Variants in DPP6 observed in about 807,000 individuals in gnomAD.
DPP6 encodes the protein dipeptidyl peptidase like 6.
DPP6 carries 69 observed loss-of-function variants against 122.6 expected under a neutral mutation model. That is an observed-to-expected ratio of 0.56 (90% confidence interval 0.46 to 0.69). The LOEUF (loss-of-function observed/expected upper bound fraction) is 0.69, where lower values mean the gene tolerates loss of function less well. Among genes scored for constraint, DPP6 ranks in the 30% least tolerant of loss-of-function variants. DPP6 has a pLI of 0.00. For synonymous variants in DPP6, 418 were observed against 433.1 expected (o/e 0.97, Z 0.43); for missense variants, 928 against 1,116.9 (o/e 0.83, Z 2.41).
At chr7:154,329,957 T>G (rs1808772056) in intron 1 of DPP6, among the ~76,000 whole-genome samples, 1 of 152,002 alleles carries the variant, frequency 6.6e-6, no homozygotes, top group African/African-American at 2.4e-5. Flanking sequence ...ATGTTCTCAC[T>G]CACAAGCGGG....
intron 1 of DPP6, among the ~76,000 whole-genome samples, chr7:154,033,458 C>T (rs1020866965): frequency 2.0e-5 from 3 of 152,242 alleles, no homozygotes; most frequent in Non-Finnish European, 4.4e-5. Flanking sequence ...TTCCAAGTCC[C>T]CGTCCAGCAT....
chr7:154,574,618 ATGTGTGTGG>A, intron 5 of DPP6, among the ~76,000 whole-genome samples: 1 of 105,774 alleles, frequency 9.5e-6, no homozygotes, highest in Non-Finnish European at 1.9e-5. Context: ...TTTGGGGTGT[ATGTGTGTGG>A]TGTGTGTGTG....
At chr7:154,191,785 T>G (rs1272542634) in intron 1 of DPP6, among the ~76,000 whole-genome samples, 1 of 152,232 alleles carries the variant, frequency 6.6e-6, no homozygotes, top group Non-Finnish European at 1.5e-5. Flanking sequence ...AGGAAAAGAT[T>G]CTTTCCCATG....
chr7:154,498,224 G>C (rs1481633270), intron 3 of DPP6, among the ~76,000 whole-genome samples: 1 of 152,172 alleles, frequency 6.6e-6, no homozygotes, highest in Non-Finnish European at 1.5e-5. Context: ...AGGAGAGTGA[G>C]GTACTTGGAC....
intron 1 of DPP6, among the ~76,000 whole-genome samples, chr7:154,317,418 T>G (rs1807530023): frequency 6.6e-6 from 1 of 152,176 alleles, no homozygotes; most frequent in Admixed American, 6.5e-5. Flanking sequence ...GTCTGCAGTT[T>G]TTGACTTTAT....
chr7:153,818,708 A>G, the DPP6 span, among the ~76,000 whole-genome samples: 6 of 151,608 alleles, frequency 4.0e-5, no homozygotes, highest in East Asian at 1.9e-4. Flanking sequence ...AGCTCTGGGC[A>G]GGGAGGGAAG....
the DPP6 span, among the ~76,000 whole-genome samples, chr7:153,752,946 TC>T: frequency 6.6e-6 from 1 of 151,788 alleles, no homozygotes; most frequent in South Asian, 2.1e-4. Flanking sequence ...GTTAAGAAAA[TC>T]CCCATGTAAC....
chr7:154,158,913 G>A (rs1484065), intron 1 of DPP6, among the ~76,000 whole-genome samples: 9,784 of 150,312 alleles, frequency 0.065, 357 homozygotes, highest in Non-Finnish European at 0.076. Context: ...AGGGTGTCTC[G>A]CTCTTCCATG....
At chr7:154,236,966 C>G (rs1801256562) in intron 1 of DPP6, among the ~76,000 whole-genome samples, 1 of 152,186 alleles carries the variant, frequency 6.6e-6, no homozygotes, top group Non-Finnish European at 1.5e-5. Flanking sequence ...ATTTCCAACC[C>G]CTTTACTCAC....
chr7:154,692,445 C>T (rs1839982624), intron 7 of DPP6, among the ~76,000 whole-genome samples: 1 of 152,220 alleles, frequency 6.6e-6, no homozygotes, highest in South Asian at 2.1e-4. Flanking sequence ...TTATGGTCCT[C>T]ACTGGGGAAG....
intron 16 of DPP6, among the ~76,000 whole-genome samples, chr7:154,848,959 T>C (rs1276164455): frequency 6.6e-6 from 1 of 152,228 alleles, no homozygotes; most frequent in Non-Finnish European, 1.5e-5. Context: ...TTGTGAAAAA[T>C]AAATTAACTG....
chr7:154,247,599 C>T (rs1802064236), intron 1 of DPP6, among the ~76,000 whole-genome samples: 1 of 151,786 alleles, frequency 6.6e-6, no homozygotes, highest in Non-Finnish European at 1.5e-5. Flanking sequence ...GTTGACAGCA[C>T]CAAATATTGG....
At chr7:154,377,779 C>A (rs1813254336) in intron 1 of DPP6, among the ~76,000 whole-genome samples, 1 of 152,194 alleles carries the variant, frequency 6.6e-6, no homozygotes, top group South Asian at 2.1e-4. Flanking sequence ...AATTACCCAG[C>A]CTCAGTTAGC....
At chr7:154,001,709 T>G (rs930752079) in intron 1 of DPP6, among the ~76,000 whole-genome samples, 1 of 151,594 alleles carries the variant, frequency 6.6e-6, no homozygotes, top group Non-Finnish European at 1.5e-5. Context: ...GTCATGAAGA[T>G]ACAGTTGGAA....
intron 10 of DPP6, among the ~76,000 whole-genome samples, chr7:154,786,342 T>G (rs1797332637): frequency 6.6e-6 from 1 of 152,194 alleles, no homozygotes. Flanking sequence ...AACCTCATGT[T>G]GGTCTGTGAT....
At chr7:154,610,705 CTCTG>C (rs199536525) in intron 5 of DPP6, among the ~76,000 whole-genome samples, 30,428 of 140,512 alleles carry the variant, frequency 0.22, 3,991 homozygotes, top group East Asian at 0.57. Flanking sequence ...CTGTGTTGTT[CTCTG>C]TGTGTGTGTG....
At chr7:154,790,802 G>A (rs1319036532) in intron 10 of DPP6, among the ~76,000 whole-genome samples, 2 of 136,854 alleles carry the variant, frequency 1.5e-5, no homozygotes, top group African/African-American at 5.6e-5. Flanking sequence ...CTAAGAGAAG[G>A]GAGGAAAGGA....
chr7:154,124,821 G>A (rs1191792761), intron 1 of DPP6, among the ~76,000 whole-genome samples: 4 of 152,210 alleles, frequency 2.6e-5, no homozygotes, highest in Non-Finnish European at 5.9e-5. Context: ...AAGTGGCAAC[G>A]TCAGCTCTGA....
At chr7:154,558,893 A>C (rs1408537802) in intron 4 of DPP6, among the ~76,000 whole-genome samples, 3 of 152,244 alleles carry the variant, frequency 2.0e-5, no homozygotes, top group African/African-American at 7.2e-5. Flanking sequence ...TCCACAAATA[A>C]TTAATTGCCT....
Sources: allele counts gnomAD v4.1 joint callset (sites outside exome capture counted in the v4.1 genomes callset), GRCh38; gene constraint gnomAD v4.1.1; transcripts MANE v1.5; gene names NCBI Gene and HGNC (gene_info 2026-07-23, HGNC 2026-07-21).